ZNF674: variants seen among roughly 807,000 people sequenced by gnomAD.
ZNF674 encodes the protein zinc finger family member 674.
A neutral mutation model predicts 7.0 loss-of-function variants in ZNF674; 2 were observed. The ratio of observed to expected loss-of-function variants is 0.29; its 90% confidence interval spans 0.12 to 0.90. The LOEUF is 0.90. Ranked by LOEUF, ZNF674 falls within the 40% of genes least tolerant of loss-of-function variation. The pLI, the probability that ZNF674 is intolerant of heterozygous loss-of-function variation, is 0.57. For synonymous variants in ZNF674, 103 were observed against 145.2 expected (o/e 0.71, Z 2.09); for missense variants, 297 against 415.5 (o/e 0.71, Z 2.48).
Position 46,501,135 on chromosome X carries a change from AC to A in ZNF674, c.438del (p.Arg146SerfsTer7), listed in dbSNP as rs770451188. The A allele has an allele frequency of 1.7e-6, 2 of 1,205,648 alleles. No individual in the cohort carries two copies. Among genetic ancestry groups the A allele is most frequent in the South Asian group, 1.8e-5 (1 of 55,941 alleles). On this transcript the variant is annotated frameshift_variant, in exon 6 of 6. Coordinates refer to ENST00000683375, the MANE Select transcript of ZNF674 (RefSeq NM_001190417.2). LOFTEE classifies it low-confidence loss of function (END_TRUNC). ...AGAAAGTTTAAATGATGTTTTGAAC[AC>A]CTTTCCCATGAATAATATTTAGGGA... ...QRLPKYYSWE[R>X]CSKHHLNFLG... is the part of the protein sequence containing the mutation.
In ZNF674 at chrX:46,528,344, C is replaced by G; in HGVS notation, c.238+6G>C. The G allele has an allele frequency of 8.3e-7, 1 of 1,211,213 alleles. No individual in the cohort carries two copies. The highest frequency in any genetic ancestry group is 1.1e-6 in the Non-Finnish European group (1 of 895,003). On this transcript the variant is annotated splice_donor_region_variant and intron_variant, in intron 5 of 5. Coordinates refer to ENST00000683375, the MANE Select transcript of ZNF674 (RefSeq NM_001190417.2). ...CCCTGGCCTGACTCACCTGGCCTGT[C>G]CTCACCTGCACAGGTCCGTACCGGG...
chrX:46,517,747 A>G (rs1250808729), intron 5 of ZNF674: 1 of 112,162 alleles, frequency 8.9e-6, no homozygotes, highest in Non-Finnish European at 1.9e-5. Flanking sequence ...CCCTTCAAGA[A>G]TGAAGACAAG....
At chrX:46,543,053 C>T (rs968410555) in intron 2 of ZNF674, among the ~76,000 whole-genome samples, 1 of 111,174 alleles carries the variant, frequency 9.0e-6, no homozygotes, top group Non-Finnish European at 1.9e-5. Context: ...CGGGTTCAAG[C>T]GATTCTCCTG....
intron 3 of ZNF674, among the ~76,000 whole-genome samples, chrX:46,533,829 A>AAAAATATAT (rs1415090691): frequency 1.1e-4 from 7 of 65,552 alleles, no homozygotes; most frequent in Non-Finnish European, 1.5e-4. Flanking sequence ...AAAAAAAAAA[A>AAAAATATAT]ATATATATAT....
In ZNF674 at chrX:46,541,316, G is replaced by A. The variant is rs184226725; in HGVS notation, c.15+757C>T. ...GCGGAGGTTGCAGTGAGCCGATATC[G>A]CACCATTGCACTCTAGCCTGGGCAA... On this transcript the variant is annotated intron_variant, in intron 3 of 5. Transcript: ENST00000683375. 6.8e-4 allele frequency among the ~76,000 whole-genome samples: 68 copies of A among 99,284 alleles called. 1 individual carries two copies. Among genetic ancestry groups the A allele is most frequent in the African/African-American group, 2.5e-3 (66 of 26,294 alleles). 86.2% of individuals were successfully genotyped at this position (99,284 alleles called of 115,157 possible).
intron 5 of ZNF674, among the ~76,000 whole-genome samples, chrX:46,519,258 ATAGATAAAGATAGATGATAGATAGAT>A (rs1569476341): frequency 3.0e-5 from 2 of 65,846 alleles, no homozygotes; most frequent in African/African-American, 1.2e-4. Context: ...AGATAGATAG[ATAGATAAAGATAGATGATAGATAGAT>A]AGATAGATAG....
intron 3 of ZNF674, among the ~76,000 whole-genome samples, chrX:46,531,419 A>C (rs758372700): frequency 8.9e-6 from 1 of 111,994 alleles, no homozygotes; most frequent in Non-Finnish European, 1.9e-5. Flanking sequence ...CGAGACTGGC[A>C]TCTCAGGTGG....
intron 5 of ZNF674, among the ~76,000 whole-genome samples, chrX:46,509,075 G>A (rs1941597241): frequency 9.2e-6 from 1 of 109,116 alleles, no homozygotes; most frequent in Non-Finnish European, 1.9e-5. Flanking sequence ...TGGGAAAACT[G>A]CCTAGCCATA....
At chrX:46,544,026 G>T (rs1339218900) in intron 2 of ZNF674, among the ~76,000 whole-genome samples, 1 of 112,861 alleles carries the variant, frequency 8.9e-6, no homozygotes, top group African/African-American at 3.2e-5. Context: ...GAAGCATGGG[G>T]GTGCACAAAT....
At chrX:46,502,122 A>G (rs763454936) in intron 5 of ZNF674, among the ~76,000 whole-genome samples, 2 of 109,460 alleles carry the variant, frequency 1.8e-5, no homozygotes, top group South Asian at 7.8e-4. Flanking sequence ...ACTGGCCAAC[A>G]TGGTGAAACC....
At chrX:46,528,587 C>T in intron 4 of ZNF674, 142 bp from the exon 5 acceptor site, 2 of 960,538 alleles carry the variant, frequency 2.1e-6, no homozygotes, top group Non-Finnish European at 2.9e-6. Flanking sequence ...ACAGAACATT[C>T]ACATAGCAAG....
intron 5 of ZNF674, among the ~76,000 whole-genome samples, chrX:46,509,896 C>T (rs1368156124): frequency 9.1e-6 from 1 of 110,471 alleles, no homozygotes; most frequent in Non-Finnish European, 1.9e-5. Flanking sequence ...ACGCAAATGT[C>T]CAACAACGAT....
intron 5 of ZNF674, among the ~76,000 whole-genome samples, chrX:46,520,314 G>A (rs1432702898): frequency 9.0e-6 from 1 of 111,210 alleles, no homozygotes; most frequent in Non-Finnish European, 1.9e-5. Context: ...CAGGAGAATT[G>A]CTTGAACCCA....
At chrX:46,504,590 G>A (rs1430253208) in intron 5 of ZNF674, among the ~76,000 whole-genome samples, 2 of 111,257 alleles carry the variant, frequency 1.8e-5, no homozygotes, top group African/African-American at 3.3e-5. Context: ...CGATCCACCC[G>A]CCTCGGCCCC....
At chrX:46,529,261 T>C (rs1172405966) in intron 3 of ZNF674, 2 of 229,227 alleles carry the variant, frequency 8.7e-6, no homozygotes, top group East Asian at 8.7e-5. Flanking sequence ...TTTTGAACTT[T>C]ATAGGAGAAA....
chrX:46,513,046 C>T (rs767512005), intron 5 of ZNF674, among the ~76,000 whole-genome samples: 15 of 110,988 alleles, frequency 1.4e-4, no homozygotes, highest in Non-Finnish European at 2.6e-4. Flanking sequence ...AGGCAGATCA[C>T]GAGGTCAAGA....
At chrX:46,512,556 T>C (rs1941679174) in intron 5 of ZNF674, among the ~76,000 whole-genome samples, 1 of 106,804 alleles carries the variant, frequency 9.4e-6, no homozygotes. Context: ...AGGTCAGGAG[T>C]TCGAGTTCAG....
chrX:46,528,212 A>C (rs767117388), intron 5 of ZNF674, 138 bp downstream of exon 5: 78 of 617,347 alleles, frequency 1.3e-4, no homozygotes, highest in South Asian at 4.2e-4. Flanking sequence ...ACATGACAAC[A>C]GTTCTGCTCA....
intron 2 of ZNF674, among the ~76,000 whole-genome samples, chrX:46,543,627 C>T (rs1480976005): frequency 8.9e-6 from 1 of 112,054 alleles, no homozygotes; most frequent in Non-Finnish European, 1.9e-5. Flanking sequence ...CCCACCCCAC[C>T]ACTTCCTCCT....
Sources: allele counts gnomAD v4.1 joint callset (sites outside exome capture counted in the v4.1 genomes callset), GRCh38; gene constraint gnomAD v4.1.1; transcripts MANE v1.5; gene names NCBI Gene and HGNC (gene_info 2026-07-23, HGNC 2026-07-21).